The following ARHGAP42 variants were observed in gnomAD, a reference collection of about 807,000 sequenced individuals.
The protein encoded by ARHGAP42 is Rho GTPase activating protein 42.
A neutral mutation model predicts 125.0 loss-of-function variants in ARHGAP42; 63 were observed. That is an observed-to-expected ratio of 0.50 (90% CI 0.41 to 0.62). The LOEUF (loss-of-function observed/expected upper bound fraction) is 0.62. Among genes scored for constraint, ARHGAP42 ranks in the 20% least tolerant of loss-of-function variants. The probability of loss-of-function intolerance (pLI) is 0.00; values close to 1 mark genes in which losing one functional copy is unlikely to be tolerated. For missense variants in ARHGAP42, 766 were observed against 1,024.2 expected (o/e 0.75, Z 3.44); for synonymous variants, 339 against 351.0 (o/e 0.97, Z 0.38).
chr11:100,770,718 C>T (rs561404784), intron 2 of ARHGAP42, among the ~76,000 whole-genome samples: 1 of 152,234 alleles, frequency 6.6e-6, no homozygotes, highest in South Asian at 2.1e-4. Context: ...GCTGGGATTA[C>T]AGGCATCTGC....
At chr11:100,764,356 G>T (rs540627335) in intron 1 of ARHGAP42, among the ~76,000 whole-genome samples, 1 of 152,214 alleles carries the variant, frequency 6.6e-6, no homozygotes, top group South Asian at 2.1e-4. Context: ...ATTCTTTGGG[G>T]ATTAACTATG....
rs138947701 is a variant in ARHGAP42, at chr11:100,970,744, C to A, written c.1551-2431C>A. On this transcript the variant is annotated intron_variant, in intron 17 of 23. Coordinates refer to ENST00000298815, the MANE Select transcript of ARHGAP42 (RefSeq NM_152432.4). ...AAAATCTTTGACCCATTGCTCTTGG[C>A]ACTGGCTGAGGGAGGTAGTCCTGAA... Among the ~76,000 whole-genome samples, 22 of 152,232 alleles carry A rather than the reference C, an allele frequency of 1.4e-4. No individual in the cohort carries two copies. In the East Asian group the frequency reaches 4.1e-3, roughly 28 times the overall value.
chr11:100,987,246 A>G (rs1858702549), intron 22 of ARHGAP42, among the ~76,000 whole-genome samples: 1 of 152,136 alleles, frequency 6.6e-6, no homozygotes, highest in South Asian at 2.1e-4. Flanking sequence ...AAACCAACCT[A>G]TATTGTTATA....
chr11:100,707,959 G>A (rs559466829), intron 1 of ARHGAP42, among the ~76,000 whole-genome samples: 1 of 152,302 alleles, frequency 6.6e-6, no homozygotes, highest in Admixed American at 6.5e-5. Flanking sequence ...AATCTTATAT[G>A]AGAATATGAT....
At chr11:100,791,844 A>G (rs1353249465) in intron 2 of ARHGAP42, among the ~76,000 whole-genome samples, 1 of 152,204 alleles carries the variant, frequency 6.6e-6, no homozygotes, top group Non-Finnish European at 1.5e-5. Context: ...ATCAACTATT[A>G]TCTTACTAAA....
intron 5 of ARHGAP42, among the ~76,000 whole-genome samples, chr11:100,917,344 C>T (rs1232633256): frequency 2.6e-5 from 4 of 151,980 alleles, no homozygotes; most frequent in Admixed American, 6.6e-5. Context: ...TCCCTGAAAC[C>T]TCTTCTACTT....
At chr11:100,758,918 G>C (rs1453451207) in intron 1 of ARHGAP42, among the ~76,000 whole-genome samples, 1 of 151,934 alleles carries the variant, frequency 6.6e-6, no homozygotes, top group African/African-American at 2.4e-5. Flanking sequence ...AGATCTATTT[G>C]TGTTAGAAGG....
At chr11:100,721,116 TA>T (rs1861750715) in intron 1 of ARHGAP42, among the ~76,000 whole-genome samples, 1 of 152,086 alleles carries the variant, frequency 6.6e-6, no homozygotes, top group Admixed American at 6.6e-5. Flanking sequence ...TATTCTTAAC[TA>T]AAGTCAAGAG....
chr11:100,821,890 G>A (rs1464448069), intron 3 of ARHGAP42, among the ~76,000 whole-genome samples: 1 of 152,128 alleles, frequency 6.6e-6, no homozygotes, highest in African/African-American at 2.4e-5. Flanking sequence ...CAAATGATGG[G>A]CTTGTTGCTA....
At chr11:100,875,846 G>A (rs1264739875) in intron 4 of ARHGAP42, among the ~76,000 whole-genome samples, 3 of 151,886 alleles carry the variant, frequency 2.0e-5, no homozygotes, top group Admixed American at 2.0e-4. Context: ...TTTGACAAGC[G>A]GAAACTGTAG....
chr11:100,922,304 A>G (rs1867298881), intron 6 of ARHGAP42, among the ~76,000 whole-genome samples: 12 of 152,086 alleles, frequency 7.9e-5, no homozygotes, highest in Admixed American at 7.9e-4. Flanking sequence ...GTAAAATGTA[A>G]TGGATTTCCT....
chr11:100,967,944 G>T (rs181808318), intron 17 of ARHGAP42, among the ~76,000 whole-genome samples: 2 of 152,042 alleles, frequency 1.3e-5, no homozygotes, highest in East Asian at 1.9e-4. Context: ...GGATGGTCTC[G>T]CTCTCTTGAC....
chr11:100,943,138 T>C (rs1867925638), intron 9 of ARHGAP42, among the ~76,000 whole-genome samples: 1 of 151,898 alleles, frequency 6.6e-6, no homozygotes. Context: ...CACATTGTAT[T>C]AGGTTGGTGC....
At chr11:100,916,756 C>T (rs919275440) in intron 5 of ARHGAP42, among the ~76,000 whole-genome samples, 2 of 151,940 alleles carry the variant, frequency 1.3e-5, no homozygotes, top group African/African-American at 2.4e-5. Flanking sequence ...CAGAGATGAG[C>T]ACAAAAATTG....
chr11:100,761,154 T>A (rs1862692689), intron 1 of ARHGAP42, among the ~76,000 whole-genome samples: 2 of 152,076 alleles, frequency 1.3e-5, no homozygotes, highest in Non-Finnish European at 2.9e-5. Flanking sequence ...GTAAAGGAGA[T>A]ACTTCAGAAA....
chr11:100,955,309 A>C (rs1048370110), intron 12 of ARHGAP42, among the ~76,000 whole-genome samples: 5 of 152,086 alleles, frequency 3.3e-5, no homozygotes, highest in African/African-American at 1.2e-4. Context: ...TTCTGCTTCT[A>C]CCCTCACCCA....
intron 1 of ARHGAP42, among the ~76,000 whole-genome samples, chr11:100,745,632 A>C (rs1862285748): frequency 6.6e-6 from 1 of 152,148 alleles, no homozygotes; most frequent in Non-Finnish European, 1.5e-5. Flanking sequence ...CCTTTGTTAT[A>C]CTTCCATCAG....
chr11:100,726,290 T>G (rs1007399861), intron 1 of ARHGAP42, among the ~76,000 whole-genome samples: 3 of 152,272 alleles, frequency 2.0e-5, no homozygotes, highest in Non-Finnish European at 4.4e-5. Context: ...CTGATGTAAA[T>G]TTGAATCCTG....
intron 10 of ARHGAP42, among the ~76,000 whole-genome samples, chr11:100,947,506 T>C (rs1415976808): frequency 6.6e-6 from 1 of 151,978 alleles, no homozygotes; most frequent in Non-Finnish European, 1.5e-5. Flanking sequence ...AAAGAATTGT[T>C]TTCAGGATTA....
Sources: allele counts gnomAD v4.1 joint callset (sites outside exome capture counted in the v4.1 genomes callset), GRCh38; gene constraint gnomAD v4.1.1; transcripts MANE v1.5; gene names NCBI Gene and HGNC (gene_info 2026-07-23, HGNC 2026-07-21).